The following MORN1 variants were observed in gnomAD, a reference collection of about 807,000 sequenced individuals.
MORN1 encodes the protein MORN repeat-containing protein 1.
A neutral mutation model predicts 61.9 loss-of-function variants in MORN1; 67 were observed. The ratio of observed to expected loss-of-function variants is 1.08; its 90% CI spans 0.89 to 1.33. MORN1 has a LOEUF of 1.33. Among genes scored for constraint, MORN1 ranks in the 40% most tolerant of loss-of-function variants. The pLI is 0.00. For synonymous variants in MORN1, 301 were observed against 292.0 expected, an observed-to-expected ratio of 1.03 and a Z score of -0.31; for missense variants, 752 against 691.2, an observed-to-expected ratio of 1.09 and a Z score of -0.99.
intron 12 of MORN1, among the ~76,000 whole-genome samples, chr1:2,335,268 T>C (rs1465098686): frequency 2.0e-5 from 3 of 152,128 alleles, no homozygotes; most frequent in African/African-American, 7.2e-5. Flanking sequence ...TCCCTGGAGC[T>C]CCACCGGTGG....
chr1:2,323,703 G>A lies in MORN1; in HGVS notation c.1297+394C>T, dbSNP rs868822948. 328 of 985,300 alleles carry A rather than the reference G, an allele frequency of 3.3e-4. 1 individual carries two copies. In the Middle Eastern group the frequency reaches 7.8e-3, roughly 24 times the overall value. The allele number at this position is 985,300 out of a possible 1,614,324, so 61.0% of individuals were successfully genotyped here. The stretch of plus-strand genomic sequence containing the variant: ...CTTCCGCCCAGCCCAGGCCCACCAA[G>A]CCCTGCAGCCGGCCTTGCTGGGGAG... On this transcript the variant is annotated intron_variant, in intron 13 of 13. Transcript: ENST00000378531.
chr1:2,391,262 G>A (rs932284922), intron 1 of MORN1, among the ~76,000 whole-genome samples, 196 bp downstream of exon 1: 1 of 152,178 alleles, frequency 6.6e-6, no homozygotes, highest in African/African-American at 2.4e-5. Context: ...AGGGCTCGGG[G>A]AAGGGTGCGA....
At chr1:2,347,091 T>C (rs1641535362) in intron 10 of MORN1, among the ~76,000 whole-genome samples, 1 of 152,076 alleles carries the variant, frequency 6.6e-6, no homozygotes, top group African/African-American at 2.4e-5. Flanking sequence ...TCTTGGGAGA[T>C]GGGGAACTCA....
rs1267344325 is a variant in MORN1, at chr1:2,337,949, C to T, written c.1037-1099G>A. 6.6e-6 allele frequency among the ~76,000 whole-genome samples: 1 copy of T among 152,136 alleles called. No individual in the cohort carries two copies. The highest frequency in any genetic ancestry group is 1.5e-5 in the Non-Finnish European group (1 of 68,022). The stretch of plus-strand genomic sequence containing the variant: ...AGAAGGGTGGAGCCAAGACAGTGCC[C>T]AGGAGGGAAGGAGGAGTCAGGGGCT... On this transcript the variant is annotated intron_variant, in intron 10 of 13. Transcript: ENST00000378531. The surrounding 1 kb of genome is among the most constrained non-coding windows in gnomAD (Gnocchi z 5.7).
intron 10 of MORN1, chr1:2,352,403 G>T (rs2643912): frequency 0.51 from 79,169 of 153,822 alleles, 21,873 homozygotes; most frequent in African/African-American, 0.73. Flanking sequence ...TCTTATGGGA[G>T]CGAGAAGTCA....
intron 10 of MORN1, among the ~76,000 whole-genome samples, chr1:2,346,829 C>T (rs1468966197): frequency 1.3e-5 from 2 of 152,218 alleles, no homozygotes; most frequent in Non-Finnish European, 2.9e-5. Context: ...TCCTGCCGGT[C>T]ACCCCTGCTG....
At chr1:2,349,884 G>A (rs1641608258) in intron 10 of MORN1, among the ~76,000 whole-genome samples, 1 of 152,090 alleles carries the variant, frequency 6.6e-6, no homozygotes, top group African/African-American at 2.4e-5. Flanking sequence ...GGAGGGTTTT[G>A]TGCATGAAAA....
At chr1:2,330,288 G>A (rs1217986261) in intron 12 of MORN1, among the ~76,000 whole-genome samples, 1 of 152,238 alleles carries the variant, frequency 6.6e-6, no homozygotes, top group African/African-American at 2.4e-5. Context: ...AGGCCCAGTG[G>A]GTGGCCAGGC....
At position 2,357,373 on chromosome 1, in the gene MORN1, C is replaced by A; in HGVS notation, c.1036+59G>T. 1 of 1,532,822 alleles carries A rather than the reference C, an allele frequency of 6.5e-7. No individual in the cohort carries two copies. Among genetic ancestry groups the A allele is most frequent in the Non-Finnish European group, 8.8e-7 (1 of 1,135,678 alleles). 95.0% of individuals were successfully genotyped at this position (1,532,822 alleles called of 1,614,324 possible). A position where few individuals can be genotyped will look rare whatever the true frequency, so the allele number is the denominator to read the frequency against. On this transcript the variant is annotated intron_variant, in intron 10 of 13. Coordinates refer to ENST00000378531, the MANE Select transcript of MORN1 (RefSeq NM_024848.3). The surrounding 1 kb of genome is among the most constrained non-coding windows in gnomAD (Gnocchi z 6.3). The stretch of plus-strand genomic sequence containing the variant: ...TTCTGGGTCCCCATGACCCCACCCC[C>A]ACCTTGACTGCTGGGCCTGGGCCCA...
intron 6 of MORN1, chr1:2,374,935 C>G (rs1483671905): frequency 5.2e-6 from 1 of 192,376 alleles, no homozygotes; most frequent in Non-Finnish European, 1.1e-5. Flanking sequence ...AACCCGCAAA[C>G]TGGCCGACTG....
chr1:2,342,560 G>A (rs370138777), intron 10 of MORN1, among the ~76,000 whole-genome samples: 2 of 152,118 alleles, frequency 1.3e-5, no homozygotes, highest in Non-Finnish European at 2.9e-5. Flanking sequence ...AGAAGTCAGC[G>A]GGAACACGCG....
chr1:2,387,202 G>A (rs1642522110), intron 4 of MORN1: 2 of 586,298 alleles, frequency 3.4e-6, no homozygotes, highest in Non-Finnish European at 6.1e-6. Context: ...TGACAGAGCT[G>A]CATCAAGCGC....
chr1:2,381,582 G>A (rs773882999), intron 6 of MORN1, among the ~76,000 whole-genome samples: 1 of 152,186 alleles, frequency 6.6e-6, no homozygotes, highest in Non-Finnish European at 1.5e-5. Flanking sequence ...GGGCCTGGAC[G>A]GCAGAGGAGT....
rs769892123 is a variant in MORN1 at position 2,321,494 on chromosome 1, G to A, written c.1383C>T (p.Val461=). The change falls in exon 14 of 14, where the codon GTC becomes GTT. Residue 461 remains valine, a synonymous_variant. Transcript: ENST00000378531. ...GTGGCTGGCCAGCCCTCTTCGCTAC[G>A]ACCCGCAGGTGTTTGAAGGCCGGGG... ...RLPPAFKHLR[V]VAKRAGQPPH... 27 of 1,526,170 alleles carry A rather than the reference G, an allele frequency of 1.8e-5. No homozygotes were observed. Among genetic ancestry groups the A allele is most frequent in the Non-Finnish European group, 2.2e-5 (25 of 1,136,722 alleles). 94.5% of individuals were successfully genotyped at this position (1,526,170 alleles called of 1,614,324 possible).
chr1:2,377,809 T>C (rs1213286709), intron 6 of MORN1: 6 of 152,398 alleles, frequency 3.9e-5, no homozygotes, highest in Non-Finnish European at 4.4e-5. Flanking sequence ...TTCCCCAGTG[T>C]TGGCCTCGAG....
chr1:2,369,183 G>A (rs1642061252), intron 8 of MORN1, among the ~76,000 whole-genome samples: 1 of 145,744 alleles, frequency 6.9e-6, no homozygotes, highest in South Asian at 2.1e-4. Context: ...AACCCTGTCT[G>A]TACTAAAAAA....
intron 12 of MORN1, among the ~76,000 whole-genome samples, chr1:2,325,124 TTCCTTCCTTCCC>T (rs1557865174): frequency 9.0e-5 from 5 of 55,808 alleles, no homozygotes; most frequent in South Asian, 7.2e-4. Context: ...CTTCCTTCCC[TTCCTTCCTTCCC>T]TCCCTCCCTC....
chr1:2,358,955 ATACCCCTG>A (rs769140983), intron 8 of MORN1, among the ~76,000 whole-genome samples: 5 of 151,882 alleles, frequency 3.3e-5, no homozygotes, highest in South Asian at 2.1e-4. Flanking sequence ...ACTCACCCCA[ATACCCCTG>A]TACCCCTGTA....
At chr1:2,387,745 ACT>A in intron 3 of MORN1, 1 of 566,312 alleles carries the variant, frequency 1.8e-6, no homozygotes, top group Non-Finnish European at 3.2e-6. Context: ...CCAGGCAGAC[ACT>A]CTCTTTGGGC....
Sources: gnomAD v4.1 joint callset for allele counts (sites outside exome capture counted in the v4.1 genomes callset) on GRCh38, gnomAD v4.1.1 for gene constraint, Gnocchi (gnomAD v3.1) non-coding constraint, MANE v1.5 for transcripts, NCBI Gene and HGNC (gene_info 2026-07-23, HGNC 2026-07-21) for gene names.